COTL1: variants seen among roughly 807,000 people sequenced by gnomAD.
COTL1 encodes the protein coactosin like F-actin binding protein 1, also known as coactosin-like protein.
Under a neutral mutation model 16.5 loss-of-function variants are expected in COTL1, and 15 were observed. The observed-to-expected ratio is 0.91, with a 90% CI of 0.61 to 1.40. COTL1 has a LOEUF of 1.40. COTL1 is among the 40% of genes most tolerant of loss of function. The pLI is 0.00. For synonymous variants in COTL1, 112 were observed against 85.3 expected (o/e 1.31, Z -1.73); for missense variants, 220 against 201.5 (o/e 1.09, Z -0.56).
At chr16:84,585,913 A>G (rs1372075530) in intron 3 of COTL1, among the ~76,000 whole-genome samples, 1 of 152,190 alleles carries the variant, frequency 6.6e-6, no homozygotes, top group East Asian at 1.9e-4. Flanking sequence ...CCCCACTGCA[A>G]TGCACATCTG....
At chr16:84,569,877 A>G (rs1021057284) in intron 3 of COTL1, among the ~76,000 whole-genome samples, 1 of 152,252 alleles carries the variant, frequency 6.6e-6, no homozygotes, top group Non-Finnish European at 1.5e-5. Context: ...TTATAGAAGA[A>G]AAGTCCAAAG....
At chr16:84,606,736 A>G (rs1207394351) in intron 2 of COTL1, among the ~76,000 whole-genome samples, 1 of 152,160 alleles carries the variant, frequency 6.6e-6, no homozygotes, top group Non-Finnish European at 1.5e-5. Flanking sequence ...GGACCCCTCA[A>G]CCAATGGGGG....
At chr16:84,595,325 T>TA (rs1226631419) in intron 2 of COTL1, 1 of 151,960 alleles carries the variant, frequency 6.6e-6, no homozygotes, top group Non-Finnish European at 1.5e-5. Context: ...ACGTTATGCT[T>TA]ACAAATGTTT....
At chr16:84,574,537 T>C (rs1449346602) in intron 3 of COTL1, among the ~76,000 whole-genome samples, 4 of 152,380 alleles carry the variant, frequency 2.6e-5, no homozygotes, top group African/African-American at 9.6e-5. Flanking sequence ...CGGCTGAAGC[T>C]GCTTGAATGG....
At chr16:84,603,615 G>C (rs546423963) in intron 2 of COTL1, among the ~76,000 whole-genome samples, 1 of 152,232 alleles carries the variant, frequency 6.6e-6, no homozygotes, top group South Asian at 2.1e-4. Context: ...GGACAAGGCG[G>C]CCTTGGGACC....
In COTL1 at chr16:84,571,657, T is replaced by A. The variant is rs1795578156; in HGVS notation, c.319-4702A>T. ...AAGTGTCTACATCTCCATCCAATCA[T>A]CCCCCTGGGATCGGCTCCCCGCTGT... On this transcript the variant is annotated intron_variant, in intron 3 of 3. Coordinates refer to ENST00000262428, the MANE Select transcript of COTL1 (RefSeq NM_021149.5). Among the ~76,000 whole-genome samples the A allele has an allele frequency of 2.6e-5, 4 of 152,122 alleles. No homozygotes were observed. In the South Asian group the frequency reaches 8.3e-4, roughly 32 times the overall value.
chr16:84,583,648 C>A lies in COTL1; in HGVS notation c.318+6457G>T, dbSNP rs564867216. 4.0e-4 allele frequency among the ~76,000 whole-genome samples: 60 copies of A among 151,852 alleles called. 1 individual carries two copies. The highest frequency in any genetic ancestry group is 1.3e-3 in the African/African-American group (55 of 41,410). On this transcript the variant is annotated intron_variant, in intron 3 of 3. Coordinates refer to ENST00000262428, the MANE Select transcript of COTL1 (RefSeq NM_021149.5). ...AATTTTTTTTTGTTTTTAGTAGAGA[C>A]GAGGTCCCACTATGTTGACCAGGCT... is the stretch of plus-strand genomic sequence containing the variant.
chr16:84,603,854 T>C (rs531579986), intron 2 of COTL1, among the ~76,000 whole-genome samples: 42 of 151,786 alleles, frequency 2.8e-4, no homozygotes, highest in African/African-American at 1.0e-3. Context: ...GAAACAAAAG[T>C]GATCAGAATA....
At chr16:84,572,001 A>C (rs958992115) in intron 3 of COTL1, among the ~76,000 whole-genome samples, 2 of 152,238 alleles carry the variant, frequency 1.3e-5, no homozygotes, top group Non-Finnish European at 2.9e-5. Context: ...ACTCCACAGA[A>C]TGTCCCCAAA....
chr16:84,567,249 G>C (rs1015809944), intron 3 of COTL1: 2 of 315,132 alleles, frequency 6.3e-6, no homozygotes, highest in Non-Finnish European at 1.2e-5. Context: ...TTGAATTTGG[G>C]CTGTTACCTT....
At position 84,617,484 on chromosome 16, in the gene COTL1, C is replaced by A; in HGVS notation, c.160+17G>T. On this transcript the variant is annotated intron_variant, in intron 2 of 3. Transcript: ENST00000262428. ...TCCCAACGACCGCGCATCCGCCCGGCAGGCGCGCCTCCCTACCTGTGCACT... is the reference window on the plus strand; with the variant it reads ...TCCCAACGACCGCGCATCCGCCCGGAAGGCGCGCCTCCCTACCTGTGCACT... The A allele has an allele frequency of 1.3e-6, 2 of 1,548,634 alleles. No homozygotes were observed. Among genetic ancestry groups the A allele is most frequent in the East Asian group, 4.9e-5 (2 of 40,892 alleles).
At chr16:84,573,866 G>C (rs1904390885) in intron 3 of COTL1, among the ~76,000 whole-genome samples, 2 of 152,038 alleles carry the variant, frequency 1.3e-5, no homozygotes, top group African/African-American at 2.4e-5. Context: ...ACAAAATAGT[G>C]AAGGGAGGTG....
At chr16:84,573,228 G>C (rs932912705) in intron 3 of COTL1, among the ~76,000 whole-genome samples, 7 of 152,202 alleles carry the variant, frequency 4.6e-5, no homozygotes, top group African/African-American at 1.7e-4. Flanking sequence ...TTTGAACCCA[G>C]CCTTAGAAAC....
In COTL1 at chr16:84,566,712, G is replaced by A. The variant is rs930754142; in HGVS notation, c.*133C>T. On this transcript the variant is annotated 3_prime_UTR_variant, in exon 4 of 4. Transcript: ENST00000262428. ...GGGAAGGTGGGGGCTGTGGACACAG[G>A]GTGGCGGGCGCTGCCTCTCATGGCT... 6.4e-6 allele frequency: 4 copies of A among 622,788 alleles called. No homozygotes were observed. The highest frequency in any genetic ancestry group is 1.1e-5 in the Non-Finnish European group (4 of 347,940). The allele number at this position is 622,788 out of a possible 1,614,324, so 38.6% of individuals were successfully genotyped here. A position where few individuals can be genotyped will look rare whatever the true frequency, so the allele number is the denominator to read the frequency against.
chr16:84,567,484 G>A (rs1363853122), intron 3 of COTL1: 2 of 152,696 alleles, frequency 1.3e-5, no homozygotes, highest in East Asian at 3.8e-4. Flanking sequence ...ACCATACGTG[G>A]AGGTGGAAGG....
chr16:84,579,064 C>T (rs988116046), intron 3 of COTL1, among the ~76,000 whole-genome samples: 2 of 151,562 alleles, frequency 1.3e-5, no homozygotes, highest in Non-Finnish European at 2.9e-5. Context: ...TATATACACA[C>T]AGGCACACAC....
At chr16:84,598,445 G>T (rs1396424977) in intron 2 of COTL1, among the ~76,000 whole-genome samples, 1 of 152,140 alleles carries the variant, frequency 6.6e-6, no homozygotes. Flanking sequence ...AAGTTCATCT[G>T]TGTCAACAAA....
chr16:84,583,691 C>T lies in COTL1; in HGVS notation c.318+6414G>A, dbSNP rs373534476. The stretch of plus-strand genomic sequence containing the variant: ...ACCAGGCTGGTCTCCAACTCCTGGG[C>T]TCAAGCAATCCTCCTGCCTTGGTCT... On this transcript the variant is annotated intron_variant, in intron 3 of 3. Transcript: ENST00000262428. Among the ~76,000 whole-genome samples the T allele has an allele frequency of 4.6e-4, 70 of 152,258 alleles. No individual in the cohort carries two copies. The South Asian group carries it at 0.015, about 32-fold the overall frequency.
chr16:84,603,593 TGAG>T (rs10581364), intron 2 of COTL1, among the ~76,000 whole-genome samples: 64,632 of 151,392 alleles, frequency 0.43, 14,023 homozygotes, highest in East Asian at 0.53. Flanking sequence ...AAGCGCTAGG[TGAG>T]GATGATAAGG....
Sources: allele counts gnomAD v4.1 joint callset (sites outside exome capture counted in the v4.1 genomes callset), GRCh38; gene constraint gnomAD v4.1.1; transcripts MANE v1.5; gene names NCBI Gene and HGNC (gene_info 2026-07-23, HGNC 2026-07-21).